APBA2: variants seen among roughly 807,000 people sequenced by gnomAD.
APBA2 encodes the protein amyloid-beta A4 precursor protein-binding family A member 2.
A neutral mutation model predicts 75.0 loss-of-function variants in APBA2; 30 were observed. That is an observed-to-expected ratio of 0.40 (90% CI 0.30 to 0.54). The LOEUF (loss-of-function observed/expected upper bound fraction) is 0.54, where lower values mean the gene tolerates loss of function less well. Ranked by LOEUF, APBA2 falls within the 20% of genes least tolerant of loss-of-function variation. APBA2 has a pLI of 0.49. For missense variants in APBA2, 801 were observed against 1,016.1 expected, an observed-to-expected ratio of 0.79 and a Z score of 2.88; for synonymous variants, 444 against 409.6, an observed-to-expected ratio of 1.08 and a Z score of -1.01.
chr15:28,998,159 T>C (rs2038635040), intron 3 of APBA2, among the ~76,000 whole-genome samples: 2 of 152,092 alleles, frequency 1.3e-5, no homozygotes, highest in Admixed American at 1.3e-4. Flanking sequence ...GTGCTTCCAC[T>C]TACAGGAAAA....
intron 3 of APBA2, among the ~76,000 whole-genome samples, chr15:29,015,311 C>T (rs910886947): frequency 6.6e-6 from 1 of 152,132 alleles, no homozygotes; most frequent in Non-Finnish European, 1.5e-5. Flanking sequence ...TCAATGAGTG[C>T]CTGGGGTCCT....
At chr15:28,943,411 T>A (rs2035348652) in intron 2 of APBA2, among the ~76,000 whole-genome samples, 1 of 152,200 alleles carries the variant, frequency 6.6e-6, no homozygotes, top group Non-Finnish European at 1.5e-5. Context: ...CCATGCCATC[T>A]CCCATCTGTG....
At chr15:28,982,293 G>A (rs2037666335) in intron 2 of APBA2, among the ~76,000 whole-genome samples, 1 of 152,236 alleles carries the variant, frequency 6.6e-6, no homozygotes. Flanking sequence ...ACTTAGTGCA[G>A]TGTCACTAGG....
chr15:29,009,528 C>T (rs2039294195), intron 3 of APBA2, among the ~76,000 whole-genome samples: 1 of 152,138 alleles, frequency 6.6e-6, no homozygotes, highest in Non-Finnish European at 1.5e-5. Context: ...CAAAACATCA[C>T]CACAACCCAA....
At position 29,108,266 on chromosome 15, in the gene APBA2, G is replaced by T. The variant is rs1380624114; in HGVS notation, c.1918-4G>T. 1 of 1,613,622 alleles carries T rather than the reference G, an allele frequency of 6.2e-7. No individual in the cohort carries two copies. Among genetic ancestry groups the T allele is most frequent in the African/African-American group, 1.3e-5 (1 of 74,920 alleles). On this transcript the variant is annotated splice_polypyrimidine_tract_variant and splice_region_variant and intron_variant, in intron 12 of 14. Transcript: ENST00000683413. The stretch of plus-strand genomic sequence containing the variant: ...CCTGTGACTCCTGTCCCCGTGCTCT[G>T]CAGGGCCTGAAGAACCAGACACAGG...
intron 1 of APBA2, among the ~76,000 whole-genome samples, chr15:28,887,335 T>C (rs1387492423): frequency 6.6e-6 from 1 of 152,234 alleles, no homozygotes. Flanking sequence ...TATTTTTCTG[T>C]TTTCCTTCCT....
intron 2 of APBA2, among the ~76,000 whole-genome samples, chr15:28,985,306 A>G (rs996451347): frequency 6.6e-6 from 1 of 152,110 alleles, no homozygotes; most frequent in East Asian, 1.9e-4. Flanking sequence ...CCAGCACCCC[A>G]CACGCCCCTT....
intron 13 of APBA2, among the ~76,000 whole-genome samples, chr15:29,111,942 C>T (rs2044755510): frequency 6.6e-6 from 1 of 152,136 alleles, no homozygotes; most frequent in Non-Finnish European, 1.5e-5. Context: ...CAGGATAGGA[C>T]CCGCAGTCCC....
intron 1 of APBA2, among the ~76,000 whole-genome samples, chr15:28,891,373 G>C (rs1429421377): frequency 3.3e-5 from 5 of 152,136 alleles, no homozygotes; most frequent in Admixed American, 2.0e-4. Context: ...CCTGTCTCCT[G>C]CTGGGGCCCA....
rs574870450 is a variant in APBA2 at position 28,887,455 on chromosome 15, G to T, written c.-205+1177G>T. On this transcript the variant is annotated intron_variant, in intron 1 of 14. Coordinates refer to ENST00000683413, the MANE Select transcript of APBA2 (RefSeq NM_001353788.2). ...TGGCAGGTGCCAGGAGCCTGCAGGT[G>T]GCTTTTTCTCAGGCCTCTGGGTCAG... is the stretch of plus-strand genomic sequence containing the variant. Among the ~76,000 whole-genome samples, 5 of 152,294 alleles carry T rather than the reference G, an allele frequency of 3.3e-5. 1 individual carries two copies. The South Asian group carries it at 1.0e-3, about 32-fold the overall frequency.
At chr15:29,041,186 G>C (rs1025151431) in intron 3 of APBA2, among the ~76,000 whole-genome samples, 1 of 152,168 alleles carries the variant, frequency 6.6e-6, no homozygotes, top group African/African-American at 2.4e-5. Flanking sequence ...TTTAAGAAAT[G>C]AGTAGGCCAG....
chr15:28,903,933 G>A (rs2033004172), intron 1 of APBA2, among the ~76,000 whole-genome samples: 1 of 152,032 alleles, frequency 6.6e-6, no homozygotes, highest in African/African-American at 2.4e-5. Flanking sequence ...GATTCCTACG[G>A]GTCTTACCAC....
chr15:29,102,052 C>A (rs148632043), intron 10 of APBA2: 3 of 567,996 alleles, frequency 5.3e-6, no homozygotes, highest in East Asian at 5.9e-5. Flanking sequence ...GAAGAAATCC[C>A]TTTACAAAAC....
rs541274651 is a variant in APBA2, at chr15:28,972,310, A to G, written c.-94-23443A>G. ...TAAAAATTTAAAACTGCAAGTCAAG[A>G]AAACTTTCCTAAAATAAAATTAAGA... On this transcript the variant is annotated intron_variant, in intron 2 of 14. Transcript: ENST00000683413. Among the ~76,000 whole-genome samples, 6 of 152,362 alleles carry G rather than the reference A, an allele frequency of 3.9e-5. No individual in the cohort carries two copies. In the East Asian group the frequency reaches 9.6e-4, roughly 24 times the overall value.
chr15:28,944,285 C>CACTTGCCA, intron 2 of APBA2, among the ~76,000 whole-genome samples: 1 of 152,316 alleles, frequency 6.6e-6, no homozygotes, highest in South Asian at 2.1e-4. Flanking sequence ...GAGCCTAGAT[C>CACTTGCCA]ACCTGCCAAC....
intron 2 of APBA2, among the ~76,000 whole-genome samples, chr15:28,946,693 C>T (rs1405013119): frequency 6.6e-6 from 1 of 152,200 alleles, no homozygotes; most frequent in Non-Finnish European, 1.5e-5. Flanking sequence ...ATTTTCGTGC[C>T]TCAACCACCC....
At chr15:29,053,567 C>A (rs562604692) in intron 3 of APBA2, among the ~76,000 whole-genome samples, 60 of 152,108 alleles carry the variant, frequency 3.9e-4, no homozygotes, top group Non-Finnish European at 8.1e-4. Context: ...CAGGAATGAG[C>A]CGGTAGGTTC....
chr15:28,990,238 C>T (rs1489795402), intron 2 of APBA2, among the ~76,000 whole-genome samples: 5 of 152,002 alleles, frequency 3.3e-5, no homozygotes, highest in Non-Finnish European at 7.4e-5. Flanking sequence ...GGCGAAACTG[C>T]GTCTTTACTA....
intron 2 of APBA2, among the ~76,000 whole-genome samples, chr15:28,929,173 T>C (rs76154802): frequency 0.012 from 1,808 of 152,298 alleles, 47 homozygotes; most frequent in African/African-American, 0.041. Flanking sequence ...ATCATGTTTG[T>C]TATTTGATGG....
Sources: allele counts gnomAD v4.1 joint callset (sites outside exome capture counted in the v4.1 genomes callset), GRCh38; gene constraint gnomAD v4.1.1; transcripts MANE v1.5; gene names NCBI Gene and HGNC (gene_info 2026-07-23, HGNC 2026-07-21).